The following SPAG16 variants were observed in gnomAD, a reference collection of about 807,000 sequenced individuals.
The protein encoded by SPAG16 is sperm associated antigen 16.
In SPAG16, 86 loss-of-function variants were observed where a neutral mutation model predicts 80.4. The ratio of observed to expected loss-of-function variants is 1.07; its 90% CI spans 0.90 to 1.28. SPAG16 has a LOEUF of 1.28. SPAG16 is among the 50% of genes most tolerant of loss of function. The pLI, the probability that SPAG16 is intolerant of heterozygous loss-of-function variation, is 0.00. For synonymous variants in SPAG16, 294 were observed against 265.9 expected (o/e 1.11, Z -1.03); for missense variants, 870 against 765.3 (o/e 1.14, Z -1.61).
chr2:214,319,200 C>CCACACAGACACACACACACA (rs1695913338), intron 15 of SPAG16, among the ~76,000 whole-genome samples: 1 of 142,242 alleles, frequency 7.0e-6, no homozygotes, highest in Non-Finnish European at 1.5e-5. Context: ...CACACACACA[C>CCACACAGACACACACACACA]CACACACACA....
chr2:213,779,272 G>T (rs761577750), intron 10 of SPAG16, among the ~76,000 whole-genome samples: 9 of 152,116 alleles, frequency 5.9e-5, no homozygotes, highest in Non-Finnish European at 1.0e-4. Flanking sequence ...ATTGATAACA[G>T]TAGTAGTATA....
At chr2:213,645,266 C>T (rs2062779124) in intron 10 of SPAG16, among the ~76,000 whole-genome samples, 2 of 152,056 alleles carry the variant, frequency 1.3e-5, no homozygotes, top group African/African-American at 4.8e-5. Flanking sequence ...TCCCTTCTGG[C>T]CCAGGGCAGG....
chr2:214,002,654 A>T (rs1487175970), intron 12 of SPAG16, among the ~76,000 whole-genome samples: 1 of 152,170 alleles, frequency 6.6e-6, no homozygotes, highest in Non-Finnish European at 1.5e-5. Context: ...GAACCAAGGC[A>T]GTCAGTGCTC....
chr2:213,998,131 T>G (rs1026117228), intron 12 of SPAG16, among the ~76,000 whole-genome samples: 2 of 152,214 alleles, frequency 1.3e-5, no homozygotes, highest in Non-Finnish European at 2.9e-5. Flanking sequence ...CACGTAAATC[T>G]CAGCAAGTAT....
chr2:214,226,080 A>G (rs2058691259), intron 15 of SPAG16, among the ~76,000 whole-genome samples: 1 of 152,144 alleles, frequency 6.6e-6, no homozygotes, highest in African/African-American at 2.4e-5. Flanking sequence ...TTTGCAAATT[A>G]CTGCATAACA....
chr2:214,016,842 A>G (rs191958695), intron 13 of SPAG16, among the ~76,000 whole-genome samples: 3 of 152,322 alleles, frequency 2.0e-5, no homozygotes, highest in Admixed American at 2.0e-4. Context: ...ATAAATATTC[A>G]TAATTTCTGG....
At chr2:213,754,420 T>C (rs926226085) in intron 10 of SPAG16, among the ~76,000 whole-genome samples, 7 of 152,210 alleles carry the variant, frequency 4.6e-5, no homozygotes, top group Non-Finnish European at 1.0e-4. Flanking sequence ...TATTTTTCTA[T>C]ACTAGTTGAG....
intron 10 of SPAG16, among the ~76,000 whole-genome samples, chr2:213,857,105 C>G (rs1453245171): frequency 1.3e-5 from 2 of 152,104 alleles, no homozygotes; most frequent in African/African-American, 4.8e-5. Context: ...TGGCGGGCGC[C>G]TGAAATCCCA....
At chr2:213,773,304 A>G (rs186207563) in intron 10 of SPAG16, among the ~76,000 whole-genome samples, 347 of 152,284 alleles carry the variant, frequency 2.3e-3, no homozygotes, top group African/African-American at 7.9e-3. Flanking sequence ...GAGCAAAGTC[A>G]TTTAGGAGAG....
Position 213,430,686 on chromosome 2 carries a change from A to C in SPAG16, c.942+55567A>C, listed in dbSNP as rs142729168. Among the ~76,000 whole-genome samples, 1,366 of 152,296 alleles carry C rather than the reference A, an allele frequency of 9.0e-3. 22 individuals are homozygous for C. The highest frequency in any genetic ancestry group is 0.031 in the African/African-American group (1,271 of 41,570). ...GGAAGTAATTGATGAAAACTTCACT[A>C]GGCTAGCAATATATTTAGAAATCTA... is the stretch of plus-strand genomic sequence containing the variant. On this transcript the variant is annotated intron_variant, in intron 9 of 15. Coordinates refer to ENST00000331683, the MANE Select transcript of SPAG16 (RefSeq NM_024532.5).
chr2:214,222,739 T>C (rs560174800), intron 15 of SPAG16, among the ~76,000 whole-genome samples: 1 of 152,168 alleles, frequency 6.6e-6, no homozygotes, highest in Non-Finnish European at 1.5e-5. Flanking sequence ...TTTCAAGAGA[T>C]CCACCTGAGG....
At position 213,493,563 on chromosome 2, in the gene SPAG16, GTTGT is replaced by G. The variant is rs370456027; in HGVS notation, c.1070+3492_1070+3495del. ...ACATGTCTTTCAGTGACTGCCACTAGTTGTTTGTTTGTTTGTTTGTTTTGTTTTT... is the reference window on the plus strand; with the variant it reads ...ACATGTCTTTCAGTGACTGCCACTAGTTGTTTGTTTGTTTGTTTTGTTTTT... On this transcript the variant is annotated intron_variant, in intron 10 of 15. Coordinates refer to ENST00000331683, the MANE Select transcript of SPAG16 (RefSeq NM_024532.5). Among the ~76,000 whole-genome samples, 20 of 151,950 alleles carry G rather than the reference GTTGT, an allele frequency of 1.3e-4. 1 individual carries two copies. Among genetic ancestry groups the G allele is most frequent in the Non-Finnish European group, 2.1e-4 (14 of 67,938 alleles).
intron 12 of SPAG16, among the ~76,000 whole-genome samples, chr2:213,980,614 GTA>G (rs1182741282): frequency 4.3e-5 from 6 of 140,074 alleles, no homozygotes; most frequent in Non-Finnish European, 6.1e-5. Flanking sequence ...TGGAGTATAT[GTA>G]TATATATAGA....
intron 10 of SPAG16, among the ~76,000 whole-genome samples, chr2:213,836,203 G>C (rs1052274825): frequency 8.0e-5 from 11 of 138,354 alleles, no homozygotes; most frequent in Non-Finnish European, 1.4e-4. Context: ...CTATGTCTGA[G>C]AGAATAAAAA....
rs138813062 is a variant in SPAG16, at chr2:213,883,806, A to G, written c.1214+21178A>G. On this transcript the variant is annotated intron_variant, in intron 11 of 15. Transcript: ENST00000331683. ...TTAAATTTTTATTGGCTTAAAGTCT[A>G]TTTTATCAGGTATGAGAATAGTGAC... 4.5e-3 allele frequency among the ~76,000 whole-genome samples: 688 copies of G among 152,224 alleles called. 3 individuals are homozygous for G. The highest frequency in any genetic ancestry group is 0.022 in the East Asian group (114 of 5,190).
chr2:213,422,188 A>G (rs767722192), intron 9 of SPAG16: 1 of 701,030 alleles, frequency 1.4e-6, no homozygotes, highest in South Asian at 1.5e-5. Flanking sequence ...CCAGACCTAG[A>G]AGCTCCACGA....
intron 1 of SPAG16, among the ~76,000 whole-genome samples, chr2:213,286,678 A>C (rs551175975): frequency 6.6e-6 from 1 of 152,338 alleles, no homozygotes; most frequent in Admixed American, 6.5e-5. Flanking sequence ...AATCACTTCT[A>C]ATCTACTGCA....
intron 14 of SPAG16, among the ~76,000 whole-genome samples, chr2:214,129,605 A>C (rs1234278211): frequency 1.3e-5 from 2 of 152,152 alleles, no homozygotes; most frequent in African/African-American, 4.8e-5. Flanking sequence ...CCTTCCTCCT[A>C]TACAAAATAA....
At chr2:213,513,233 C>T (rs755138737) in intron 10 of SPAG16, among the ~76,000 whole-genome samples, 2 of 152,108 alleles carry the variant, frequency 1.3e-5, no homozygotes, top group Admixed American at 6.6e-5. Context: ...TCTCTATGCC[C>T]TATATTTTCA....
Sources: allele counts gnomAD v4.1 joint callset (sites outside exome capture counted in the v4.1 genomes callset), GRCh38; gene constraint gnomAD v4.1.1; transcripts MANE v1.5; gene names NCBI Gene and HGNC (gene_info 2026-07-23, HGNC 2026-07-21).